Variants in MECR observed in about 807,000 individuals in gnomAD.
MECR encodes the protein mitochondrial trans-2-enoyl-CoA reductase.
Under a neutral mutation model 49.1 loss-of-function variants are expected in MECR, and 37 were observed. The observed-to-expected ratio is 0.75, with a 90% CI of 0.58 to 0.99. MECR has a LOEUF of 0.99. MECR is among the 50% of genes least tolerant of loss of function. The pLI is 0.00. For synonymous variants in MECR, 198 were observed against 191.1 expected (o/e 1.04, Z -0.30); for missense variants, 470 against 479.6 (o/e 0.98, Z 0.19).
chr1:29,188,506 C>T (rs1014476747), downstream of MECR, among the ~76,000 whole-genome samples: 12 of 152,016 alleles, frequency 7.9e-5, no homozygotes, highest in African/African-American at 2.4e-4. Context: ...GCCTGGCCTC[C>T]ATTTACCAAT....
rs1461578544 is a variant in MECR at position 29,194,111 on chromosome 1, A to G, written c.1033T>C (p.Cys345Arg). The change falls in exon 10 of 10, where the codon TGC (cysteine) becomes CGC (arginine). Residue 345 changes from cysteine to arginine, a missense_variant. Coordinates refer to ENST00000263702, the MANE Select transcript of MECR (RefSeq NM_016011.5). ...IRRGQLTAPA[C>R]SQVPLQDYQS... ...TAGTCCTGCAGCGGGACCTGGGAGC[A>G]GGCAGGGGCTGTGAGCTGGCCTCGG... 1.9e-6 allele frequency: 3 copies of G among 1,614,176 alleles called. No individual in the cohort carries two copies. The highest frequency in any genetic ancestry group is 2.2e-5 in the East Asian group (1 of 44,878).
Position 29,194,889 on chromosome 1 carries a change from G to A in MECR, c.965-710C>T, listed in dbSNP as rs186015614. Among the ~76,000 whole-genome samples, 6 of 152,252 alleles carry A rather than the reference G, an allele frequency of 3.9e-5. No homozygotes were observed. In the East Asian group the frequency reaches 1.2e-3, roughly 29 times the overall value. On this transcript the variant is annotated intron_variant, in intron 9 of 9. Transcript: ENST00000263702. ...CCAGCACTCTTGGAGGCTGAGGTGG[G>A]TGGATCACTTGAGCCCAGGAGTTTG...
chr1:29,210,307 C>T (rs1252855454), intron 3 of MECR, among the ~76,000 whole-genome samples: 6 of 152,098 alleles, frequency 3.9e-5, no homozygotes, highest in South Asian at 2.1e-4. Flanking sequence ...TCACTGTACC[C>T]GGCCCAGGAA....
chr1:29,221,785 GGAGA>G (rs1680838900), intron 1 of MECR, among the ~76,000 whole-genome samples: 1 of 152,192 alleles, frequency 6.6e-6, no homozygotes, highest in Non-Finnish European at 1.5e-5. Context: ...GTGGAGTCTA[GGAGA>G]GTCGAAAAAC....
the MECR span, among the ~76,000 whole-genome samples, chr1:29,176,163 A>G: frequency 2.0e-5 from 3 of 152,172 alleles, no homozygotes; most frequent in Non-Finnish European, 4.4e-5. Flanking sequence ...GAGGCAGGAG[A>G]ATTGCTTGAA....
intron 1 of MECR, chr1:29,221,332 G>A (rs1424899941): frequency 6.6e-6 from 1 of 152,292 alleles, no homozygotes; most frequent in African/African-American, 2.4e-5. Context: ...ACAGTGTCTA[G>A]CCTGGTGGGA....
chr1:29,191,767 T>G (rs183536853), downstream of MECR, among the ~76,000 whole-genome samples: 1 of 152,300 alleles, frequency 6.6e-6, no homozygotes, highest in African/African-American at 2.4e-5. Flanking sequence ...AAAAGATGAT[T>G]ATGCTGGGAG....
At chr1:29,227,687 C>T (rs576608307) in intron 1 of MECR, among the ~76,000 whole-genome samples, 23 of 152,322 alleles carry the variant, frequency 1.5e-4, no homozygotes, top group African/African-American at 4.1e-4. Context: ...TGTTCAGACT[C>T]TAGGTAGTCC....
chr1:29,172,690 G>A, the MECR span: 1 of 152,180 alleles, frequency 6.6e-6, no homozygotes, highest in African/African-American at 2.4e-5. Context: ...AGCTTTTCTG[G>A]AAAGTTATTT....
Position 29,200,576 on chromosome 1 carries a change from G to A in MECR, c.770C>T (p.Pro257Leu). 1.2e-6 allele frequency: 2 copies of A among 1,613,782 alleles called. No individual in the cohort carries two copies. The highest frequency in any genetic ancestry group is 1.1e-5 in the South Asian group (1 of 91,032). The part of the protein sequence containing the change: ...MKNFFKDMPQ[P>L]RLALNCVGGK... ...ACCAACACAGTTGAGAGCAAGCCGT[G>A]GCTGGGGCATGTCCTGGAAAACAAC... Residue 257 changes from proline (P) to leucine (L), a missense_variant, in exon 7 of 10, where the codon CCA becomes CTA. Coordinates refer to ENST00000263702, the MANE Select transcript of MECR (RefSeq NM_016011.5).
At chr1:29,181,550 C>T in the MECR span, 1 of 1,118,936 alleles carries the variant, frequency 8.9e-7, no homozygotes. Context: ...GGTAGCCGCT[C>T]CGCGCGGACC....
At chr1:29,215,981 C>G in intron 3 of MECR, 24 bp downstream of exon 3, 1 of 1,612,570 alleles carries the variant, frequency 6.2e-7, no homozygotes, top group East Asian at 2.2e-5. Flanking sequence ...AACGAATAGG[C>G]AGCTGACACC....
chr1:29,206,962 C>T lies in MECR; in HGVS notation c.407-57G>A. ...GAAGGAGCCCTGTGCACATTCAACC[C>T]CAGCTCACCCTCCTTGGCCAAGAAG... On this transcript the variant is annotated intron_variant, in intron 3 of 9. Coordinates refer to ENST00000263702, the MANE Select transcript of MECR (RefSeq NM_016011.5). 3.8e-6 allele frequency: 6 copies of T among 1,595,922 alleles called. No homozygotes were observed. The South Asian group carries it at 4.5e-5, about 12-fold the overall frequency.
chr1:29,223,146 C>A, intron 1 of MECR: 4 of 985,436 alleles, frequency 4.1e-6, no homozygotes, highest in South Asian at 9.4e-5. Flanking sequence ...ATACCGTTCA[C>A]GTCCTCCGTG....
At chr1:29,189,907 T>G (rs912033845), downstream of MECR, among the ~76,000 whole-genome samples, 2 of 152,220 alleles carry the variant, frequency 1.3e-5, no homozygotes, top group Non-Finnish European at 2.9e-5. Flanking sequence ...CAGATTGACT[T>G]GATTTCAATC....
rs1675038691 is a variant in MECR at position 29,200,465 on chromosome 1, A to G, written c.830+51T>C. On this transcript the variant is annotated intron_variant, in intron 7 of 9. Coordinates refer to ENST00000263702, the MANE Select transcript of MECR (RefSeq NM_016011.5). ...CAGTCACTTGATGGTCCTCCCAGCT[A>G]AAGACCTGGAGAGCTCTGGCGAGCT... The G allele has an allele frequency of 3.2e-6, 5 of 1,544,796 alleles. No individual in the cohort carries two copies. In the African/African-American group the frequency reaches 4.1e-5, roughly 13 times the overall value.
At chr1:29,191,664 G>A (rs1376453261), downstream of MECR, among the ~76,000 whole-genome samples, 1 of 152,184 alleles carries the variant, frequency 6.6e-6, no homozygotes, top group Non-Finnish European at 1.5e-5. Context: ...CCAGAAGGTG[G>A]CAAATATTCC....
intron 9 of MECR, among the ~76,000 whole-genome samples, 167 bp from the exon 10 acceptor site, chr1:29,194,346 C>T (rs905919233): frequency 2.6e-5 from 4 of 152,168 alleles, no homozygotes; most frequent in Non-Finnish European, 5.9e-5. Context: ...TGGTCCCTGC[C>T]TGTCTTTAGG....
At chr1:29,207,067 C>T (rs1001972382) in intron 3 of MECR, among the ~76,000 whole-genome samples, 162 bp from the exon 4 acceptor site, 3 of 152,126 alleles carry the variant, frequency 2.0e-5, no homozygotes, top group Admixed American at 6.6e-5. Context: ...AAAATCTGGA[C>T]GTTCCTCTGA....
Sources: gnomAD v4.1 joint callset for allele counts (sites outside exome capture counted in the v4.1 genomes callset) on GRCh38, gnomAD v4.1.1 for gene constraint, MANE v1.5 for transcripts, NCBI Gene and HGNC (gene_info 2026-07-23, HGNC 2026-07-21) for gene names.